Variants in SH3PXD2B observed in about 807,000 individuals in gnomAD.
SH3PXD2B encodes the protein SH3 and PX domains 2B.
SH3PXD2B carries 37 observed loss-of-function variants against 73.1 expected under a neutral mutation model. That is an observed-to-expected ratio of 0.51 (90% CI 0.39 to 0.67). SH3PXD2B has a LOEUF of 0.67. Among genes scored for constraint, SH3PXD2B ranks in the 30% least tolerant of loss-of-function variants. The pLI is 0.00. For missense variants in SH3PXD2B, 1,053 were observed against 1,197.8 expected (o/e 0.88, Z 1.78); for synonymous variants, 457 against 480.5 (o/e 0.95, Z 0.64).
chr5:172,406,726 T>C (rs1041298082), intron 2 of SH3PXD2B, among the ~76,000 whole-genome samples: 3 of 152,174 alleles, frequency 2.0e-5, no homozygotes, highest in African/African-American at 2.4e-5. Flanking sequence ...GAATAAATCA[T>C]TAGCATCCAA....
chr5:172,362,593 C>T, intron 7 of SH3PXD2B, 142 bp downstream of exon 7: 4 of 1,177,654 alleles, frequency 3.4e-6, no homozygotes, highest in Non-Finnish European at 5.0e-6. Context: ...AAACAGGGGC[C>T]TCTTTCTAGG....
At chr5:172,453,579 G>A (rs1241606639) in intron 1 of SH3PXD2B, among the ~76,000 whole-genome samples, 2 of 152,194 alleles carry the variant, frequency 1.3e-5, no homozygotes, top group Admixed American at 1.3e-4. Context: ...CTTCCTATCT[G>A]CAAAACGACG....
intron 1 of SH3PXD2B, among the ~76,000 whole-genome samples, chr5:172,436,274 T>C (rs1312333068): frequency 6.6e-6 from 1 of 152,192 alleles, no homozygotes; most frequent in Non-Finnish European, 1.5e-5. Flanking sequence ...GGTGGGCTTT[T>C]GGGCCATCCA....
intron 4 of SH3PXD2B, among the ~76,000 whole-genome samples, chr5:172,387,763 TTG>T (rs1758090922): frequency 6.6e-6 from 1 of 152,250 alleles, no homozygotes; most frequent in East Asian, 1.9e-4. Flanking sequence ...CATATTTTCA[TTG>T]TGTCTTTTGA....
At chr5:172,405,944 A>G (rs1459137037) in intron 3 of SH3PXD2B, among the ~76,000 whole-genome samples, 1 of 152,208 alleles carries the variant, frequency 6.6e-6, no homozygotes, top group Non-Finnish European at 1.5e-5. Flanking sequence ...TTCATCAGCT[A>G]GTAAATGGTG....
At chr5:172,431,704 A>G (rs1445535293) in intron 1 of SH3PXD2B, among the ~76,000 whole-genome samples, 1 of 152,140 alleles carries the variant, frequency 6.6e-6, no homozygotes, top group Non-Finnish European at 1.5e-5. Flanking sequence ...ACACACACAC[A>G]GCTGATGCTC....
chr5:172,451,593 C>T (rs1408125916), intron 1 of SH3PXD2B, among the ~76,000 whole-genome samples: 1 of 152,212 alleles, frequency 6.6e-6, no homozygotes, highest in African/African-American at 2.4e-5. Context: ...AGTATTTACA[C>T]AGAAGCTAGA....
intron 1 of SH3PXD2B, among the ~76,000 whole-genome samples, chr5:172,442,616 C>T (rs376170692): frequency 5.9e-5 from 9 of 152,120 alleles, no homozygotes; most frequent in Admixed American, 3.9e-4. Flanking sequence ...TAATTAGAGT[C>T]TGTTTCTTAA....
At chr5:172,382,457 G>A (rs1439043984) in intron 4 of SH3PXD2B, among the ~76,000 whole-genome samples, 3 of 152,042 alleles carry the variant, frequency 2.0e-5, no homozygotes, top group African/African-American at 7.2e-5. Context: ...CACAGATCGT[G>A]GAGCCCCACC....
chr5:172,410,129 T>C (rs903279766), intron 2 of SH3PXD2B, among the ~76,000 whole-genome samples: 2 of 152,248 alleles, frequency 1.3e-5, no homozygotes, highest in Non-Finnish European at 2.9e-5. Context: ...CTCTTAGATA[T>C]ACTGATTTCC....
chr5:172,426,027 GT>G (rs1458632389), intron 1 of SH3PXD2B, among the ~76,000 whole-genome samples: 1 of 152,102 alleles, frequency 6.6e-6, no homozygotes, highest in African/African-American at 2.4e-5. Flanking sequence ...AGGAAAAATT[GT>G]CAAAGAATGG....
rs1349441715 is a variant in SH3PXD2B, at chr5:172,334,454, G to A, written c.*3915C>T. On this transcript the variant is annotated 3_prime_UTR_variant, in exon 13 of 13. Transcript: ENST00000311601. ...GACACGAGGTCATCTTTGGTCTGTGGTGAGGTATGGATGTCTGCAGTCTAC... is the reference window on the plus strand; with the variant it reads ...GACACGAGGTCATCTTTGGTCTGTGATGAGGTATGGATGTCTGCAGTCTAC... 14 of 987,404 alleles carry A rather than the reference G, an allele frequency of 1.4e-5. No homozygotes were observed. The highest frequency in any genetic ancestry group is 5.2e-4 in the Middle Eastern group (1 of 1,926). The allele number at this position is 987,404 out of a possible 1,614,324, so 61.2% of individuals were successfully genotyped here.
At chr5:172,425,031 G>T (rs948859809) in intron 1 of SH3PXD2B, among the ~76,000 whole-genome samples, 4 of 152,050 alleles carry the variant, frequency 2.6e-5, no homozygotes, top group African/African-American at 4.8e-5. Context: ...CCAGGGAAGG[G>T]GCCACGGCAT....
intron 2 of SH3PXD2B, among the ~76,000 whole-genome samples, chr5:172,420,323 A>T (rs543015859): frequency 6.6e-6 from 1 of 152,310 alleles, no homozygotes; most frequent in East Asian, 1.9e-4. Context: ...CATTTTAAAT[A>T]ATTAGGTAAC....
intron 8 of SH3PXD2B, among the ~76,000 whole-genome samples, chr5:172,355,387 G>C (rs1757249074): frequency 6.6e-6 from 1 of 152,200 alleles, no homozygotes; most frequent in Admixed American, 6.5e-5. Context: ...GGGCTGGGAG[G>C]GGTGGAGGGA....
chr5:172,389,226 T>G (rs1399736348), intron 4 of SH3PXD2B, among the ~76,000 whole-genome samples: 1 of 151,936 alleles, frequency 6.6e-6, no homozygotes, highest in Non-Finnish European at 1.5e-5. Context: ...TGGATAATTT[T>G]TATATTTTTA....
chr5:172,355,172 A>C lies in SH3PXD2B; in HGVS notation c.668-1167T>G, dbSNP rs538536108. ...TGGTTAATATGCTGCTGCAGTCGCTATCTCTTTGGGAAAATACCACATGCC... is the reference window on the plus strand; with the variant it reads ...TGGTTAATATGCTGCTGCAGTCGCTCTCTCTTTGGGAAAATACCACATGCC... On this transcript the variant is annotated intron_variant, in intron 8 of 12. Coordinates refer to ENST00000311601, the MANE Select transcript of SH3PXD2B (RefSeq NM_001017995.3). 5.3e-5 allele frequency among the ~76,000 whole-genome samples: 8 copies of C among 152,330 alleles called. No homozygotes were observed. The East Asian group carries it at 1.5e-3, about 29-fold the overall frequency.
downstream of SH3PXD2B, among the ~76,000 whole-genome samples, chr5:172,331,513 G>A (rs1024327828): frequency 4.6e-5 from 7 of 152,244 alleles, no homozygotes; most frequent in African/African-American, 1.7e-4. Context: ...TACTGAATGA[G>A]AGAAGGAATG....
rs2113289341 is a variant in SH3PXD2B at position 172,350,486 on chromosome 5, C to T, written c.889G>A (p.Ala297Thr). 1 of 1,614,028 alleles carries T rather than the reference C, an allele frequency of 6.2e-7. No homozygotes were observed. The highest frequency in any genetic ancestry group is 2.2e-5 in the East Asian group (1 of 44,884). Residue 297 changes from alanine to threonine, a missense_variant, in exon 10 of 13, where the codon GCC (alanine) becomes ACC (threonine). Physicochemically the swap from Ala to Thr is moderately conservative, Grantham distance 58. Around this residue, in one of 2 missense-constraint regions of SH3PXD2B, gnomAD observed 466 missense variants for 607.1 expected, o/e 0.77. Coordinates refer to ENST00000311601, the MANE Select transcript of SH3PXD2B (RefSeq NM_001017995.3). ...PGPGSPSHPG[A>T]LDLDGVSRQQ... ...CGGGAAACACCATCCAAGTCAAGGG[C>T]ACCCGGGTGGGAGGGTGAGCCAGGG...
Sources: allele counts gnomAD v4.1 joint callset (sites outside exome capture counted in the v4.1 genomes callset), GRCh38; gene constraint gnomAD v4.1.1; regional missense constraint gnomAD v4.1.1; transcripts MANE v1.5; gene names NCBI Gene and HGNC (gene_info 2026-07-23, HGNC 2026-07-21).